Variants in STRBP observed in about 807,000 individuals in gnomAD.
STRBP encodes spermatid perinuclear RNA binding protein.
In STRBP, 13 loss-of-function variants were observed where a neutral mutation model predicts 80.1. The ratio of observed to expected loss-of-function variants is 0.16; its 90% confidence interval spans 0.11 to 0.26. The LOEUF (loss-of-function observed/expected upper bound fraction) is 0.26. Ranked by LOEUF, STRBP falls within the 10% of genes least tolerant of loss-of-function variation. The pLI, the probability that STRBP is intolerant of heterozygous loss-of-function variation, is 1.00. For synonymous variants in STRBP, 284 were observed against 291.2 expected (o/e 0.98, Z 0.25); for missense variants, 485 against 815.2 (o/e 0.59, Z 4.93).
intron 2 of STRBP, among the ~76,000 whole-genome samples, chr9:123,202,623 T>TTCAG (rs1788987236): frequency 2.0e-5 from 3 of 152,218 alleles, no homozygotes; most frequent in Admixed American, 2.0e-4. Flanking sequence ...TGCTTTTGTC[T>TTCAG]TACTGGCTTT....
chr9:123,132,677 G>A (rs1023897064), intron 17 of STRBP, among the ~76,000 whole-genome samples, 168 bp downstream of exon 17: 4 of 152,124 alleles, frequency 2.6e-5, no homozygotes, highest in African/African-American at 9.7e-5. Flanking sequence ...CAGATTCCAG[G>A]AGAACACCTA....
At chr9:123,249,288 AG>A (rs1215788413) in intron 1 of STRBP, among the ~76,000 whole-genome samples, 1 of 152,194 alleles carries the variant, frequency 6.6e-6, no homozygotes, top group Non-Finnish European at 1.5e-5. Context: ...CTGAGGTGGG[AG>A]GATCACTTGA....
At chr9:123,211,793 T>C (rs551070670) in intron 2 of STRBP, among the ~76,000 whole-genome samples, 91 of 152,290 alleles carry the variant, frequency 6.0e-4, no homozygotes, top group African/African-American at 2.1e-3. Flanking sequence ...TTATCACATA[T>C]GAGTATAATT....
In STRBP at chr9:123,125,261, T is replaced by A; in HGVS notation, c.*336A>T. On this transcript the variant is annotated 3_prime_UTR_variant, in exon 19 of 19. Transcript: ENST00000348403. ...TATTTGTGATCAGTGTTTGAGACTC[T>A]ATACATCCTTCACAAATTTAATTTT... is the stretch of plus-strand genomic sequence containing the variant. 9.8e-7 allele frequency: 1 copy of A among 1,021,206 alleles called. No homozygotes were observed. Among genetic ancestry groups the A allele is most frequent in the South Asian group, 4.2e-5 (1 of 23,584 alleles). 63.3% of individuals were successfully genotyped at this position (1,021,206 alleles called of 1,614,324 possible). A position where few individuals can be genotyped will look rare whatever the true frequency, so the allele number is the denominator to read the frequency against.
intron 2 of STRBP, among the ~76,000 whole-genome samples, chr9:123,227,833 G>A (rs1183842359): frequency 1.3e-5 from 2 of 152,044 alleles, no homozygotes; most frequent in Non-Finnish European, 2.9e-5. Context: ...CCAAAGTGCT[G>A]GGATTACAGG....
chr9:123,124,773 T>A lies in STRBP; in HGVS notation c.*824A>T. 1.0e-6 allele frequency: 1 copy of A among 985,440 alleles called. No individual in the cohort carries two copies. Among genetic ancestry groups the A allele is most frequent in the Non-Finnish European group, 1.2e-6 (1 of 829,930 alleles). The allele number at this position is 985,440 out of a possible 1,614,324, so 61.0% of individuals were successfully genotyped here. A position where few individuals can be genotyped will look rare whatever the true frequency, so the allele number is the denominator to read the frequency against. ...AATTCATAAACTAGGATAATCACAT[T>A]CTCCTTCCCCATCTCTGGGTAGTGC... On this transcript the variant is annotated 3_prime_UTR_variant, in exon 19 of 19. Coordinates refer to ENST00000348403, the MANE Select transcript of STRBP (RefSeq NM_018387.5).
In STRBP at chr9:123,149,620, AC is replaced by A. The variant is rs1390715977; in HGVS notation, c.1046-1751del. Among the ~76,000 whole-genome samples, 4 of 152,372 alleles carry A rather than the reference AC, an allele frequency of 2.6e-5. No individual in the cohort carries two copies. In the East Asian group the frequency reaches 7.7e-4, roughly 29 times the overall value. On this transcript the variant is annotated intron_variant, in intron 11 of 18. Coordinates refer to ENST00000348403, the MANE Select transcript of STRBP (RefSeq NM_018387.5). ...CTAAGGAGAAAAAGGGTCTTGCTTT[AC>A]AAAAAGCAGGTGGTATTCAACCTTC...
intron 2 of STRBP, among the ~76,000 whole-genome samples, chr9:123,199,210 G>GGT (rs2039220210): frequency 6.6e-6 from 1 of 152,076 alleles, no homozygotes; most frequent in South Asian, 2.1e-4. Flanking sequence ...CTGGGATTAC[G>GGT]GGCGTGAGCC....
rs747764317 is a variant in STRBP, at chr9:123,115,369, G to A, written c.*84+560C>T. The A allele has an allele frequency of 2.1e-6, 1 of 470,998 alleles. No individual in the cohort carries two copies. Among genetic ancestry groups the A allele is most frequent in the South Asian group, 1.5e-5 (1 of 64,558 alleles). 29.2% of individuals were successfully genotyped at this position (470,998 alleles called of 1,614,324 possible). A position where few individuals can be genotyped will look rare whatever the true frequency, so the allele number is the denominator to read the frequency against. The stretch of plus-strand genomic sequence containing the variant: ...GAGACCTGGGAACGGGCCTGCCAGC[G>A]CCCAGCCCAGGGCTGGCAAGGAGGA... On this transcript the variant is annotated intron_variant and NMD_transcript_variant, in intron 3 of 3. Transcript: ENST00000471564. The surrounding 1 kb of genome is among the most constrained non-coding windows in gnomAD (Gnocchi z 5.0).
At chr9:123,174,972 G>A (rs889189335) in intron 4 of STRBP, among the ~76,000 whole-genome samples, 2 of 152,146 alleles carry the variant, frequency 1.3e-5, no homozygotes, top group African/African-American at 4.8e-5. Flanking sequence ...TCCTGCTCCT[G>A]AGGCTTACTC....
chr9:123,265,202 T>A (rs574638776), intron 1 of STRBP, among the ~76,000 whole-genome samples: 48 of 152,276 alleles, frequency 3.2e-4, no homozygotes, highest in Middle Eastern at 3.4e-3. Flanking sequence ...GTTTTTTTTT[T>A]AATATTTATA....
At chr9:123,260,347 T>C (rs1005102523) in intron 1 of STRBP, among the ~76,000 whole-genome samples, 27 of 152,226 alleles carry the variant, frequency 1.8e-4, no homozygotes, top group African/African-American at 6.3e-4. Context: ...CAGCCCATAA[T>C]TCTAATTCAC....
intron 1 of STRBP, among the ~76,000 whole-genome samples, chr9:123,246,473 CTAA>C (rs2040802448): frequency 6.6e-6 from 1 of 150,806 alleles, no homozygotes; most frequent in Admixed American, 6.6e-5. Flanking sequence ...TGTTACATTA[CTAA>C]TGTAGTTTTT....
intron 2 of STRBP, among the ~76,000 whole-genome samples, chr9:123,204,762 AG>A (rs1380329689): frequency 6.6e-6 from 1 of 151,216 alleles, no homozygotes; most frequent in Admixed American, 6.6e-5. Context: ...CTAAAAATAC[AG>A]AAAAAAAAAA....
intron 1 of STRBP, among the ~76,000 whole-genome samples, chr9:123,254,235 T>G (rs1447109431): frequency 6.6e-6 from 1 of 152,028 alleles, no homozygotes; most frequent in African/African-American, 2.4e-5. Flanking sequence ...GCAAGAAATC[T>G]ACCTCTTGCC....
intron 2 of STRBP, among the ~76,000 whole-genome samples, chr9:123,235,006 G>A (rs866497594): frequency 2.7e-5 from 4 of 146,606 alleles, no homozygotes; most frequent in Non-Finnish European, 4.5e-5. Flanking sequence ...TGGGGGGGGG[G>A]GGTACTGGGT....
At position 123,160,431 on chromosome 9, in the gene STRBP, A is replaced by G; in HGVS notation, c.659T>C (p.Ile220Thr). The G allele has an allele frequency of 6.2e-7, 1 of 1,604,170 alleles. No individual in the cohort carries two copies. Among genetic ancestry groups the G allele is most frequent in the South Asian group, 1.1e-5 (1 of 89,730 alleles). Residue 220 changes from isoleucine to threonine, a missense_variant, in exon 8 of 19, where the codon ATT becomes ACT. Physicochemically the swap from Ile to Thr is moderately conservative, Grantham distance 89 (BLOSUM62 -1). Around this residue, in one of 3 missense-constraint regions of STRBP, gnomAD observed 377 missense variants for 616.1 expected, o/e 0.61. Coordinates refer to ENST00000348403, the MANE Select transcript of STRBP (RefSeq NM_018387.5). ...CAAATCACGCAGAATGCGGAGGACA[A>G]TTACACATGATTTTAATCCATTTGC... ...ARANGLKSCV[I>T]VLRILRDLCN...
At chr9:123,234,338 A>G (rs1171936384) in intron 2 of STRBP, among the ~76,000 whole-genome samples, 1 of 151,658 alleles carries the variant, frequency 6.6e-6, no homozygotes, top group East Asian at 1.9e-4. Flanking sequence ...CAGAAGACAA[A>G]AAAAAAAAAG....
At chr9:123,203,056 G>A (rs1374773943) in intron 2 of STRBP, among the ~76,000 whole-genome samples, 3 of 152,014 alleles carry the variant, frequency 2.0e-5, no homozygotes, top group Non-Finnish European at 4.4e-5. Flanking sequence ...GAGTATTCCT[G>A]CTAATCTACA....
Sources: gnomAD v4.1 joint callset for allele counts (sites outside exome capture counted in the v4.1 genomes callset) on GRCh38, gnomAD v4.1.1 for gene constraint, gnomAD v4.1.1 regional missense constraint, Gnocchi (gnomAD v3.1) non-coding constraint, MANE v1.5 for transcripts, NCBI Gene and HGNC (gene_info 2026-07-23, HGNC 2026-07-21) for gene names.